The following L3MBTL4 variants were observed in gnomAD, a reference collection of about 807,000 sequenced individuals.
L3MBTL4 encodes the protein lethal(3)malignant brain tumor-like protein 4.
Under a neutral mutation model 84.5 loss-of-function variants are expected in L3MBTL4, and 70 were observed. That is an observed-to-expected ratio of 0.83 (90% CI 0.68 to 1.01). The LOEUF (loss-of-function observed/expected upper bound fraction) is 1.01, where lower values mean the gene tolerates loss of function less well. Ranked by LOEUF, L3MBTL4 falls within the 50% of genes least tolerant of loss-of-function variation. The probability of loss-of-function intolerance (pLI) is 0.00; values close to 1 mark genes in which losing one functional copy is unlikely to be tolerated. For missense variants in L3MBTL4, 715 were observed against 754.8 expected (o/e 0.95, Z 0.62); for synonymous variants, 274 against 259.8 (o/e 1.05, Z -0.52).
At chr18:6,051,517 C>T (rs907244192) in intron 16 of L3MBTL4, among the ~76,000 whole-genome samples, 101 of 150,830 alleles carry the variant, frequency 6.7e-4, no homozygotes, top group African/African-American at 2.4e-3. Context: ...CCAGCCTGGG[C>T]GGCGCAGCAA....
chr18:6,042,360 C>A (rs577361230), intron 16 of L3MBTL4, among the ~76,000 whole-genome samples: 14 of 151,998 alleles, frequency 9.2e-5, no homozygotes, highest in African/African-American at 3.4e-4. Flanking sequence ...CACACACATA[C>A]GTGCACACAC....
chr18:6,024,727 G>A (rs186570076), intron 16 of L3MBTL4, among the ~76,000 whole-genome samples: 10 of 152,168 alleles, frequency 6.6e-5, no homozygotes, highest in African/African-American at 2.4e-4. Flanking sequence ...AAAAGACAGG[G>A]ATAAATTCAG....
intron 16 of L3MBTL4, among the ~76,000 whole-genome samples, chr18:5,985,504 A>G (rs560034247): frequency 1.3e-5 from 2 of 152,304 alleles, no homozygotes; most frequent in East Asian, 3.9e-4. Flanking sequence ...AGGAGGCACA[A>G]AAAGGGAATG....
intron 1 of L3MBTL4, among the ~76,000 whole-genome samples, chr18:6,314,407 A>AAGGT (rs1403269333): frequency 6.6e-6 from 1 of 152,202 alleles, no homozygotes; most frequent in African/African-American, 2.4e-5. Context: ...AGGGAAAGTA[A>AAGGT]AGGTATATAC....
At chr18:6,144,736 GC>G (rs2042576050) in intron 13 of L3MBTL4, among the ~76,000 whole-genome samples, 1 of 152,184 alleles carries the variant, frequency 6.6e-6, no homozygotes, top group African/African-American at 2.4e-5. Flanking sequence ...GAAGGGAAAG[GC>G]ACCGTAAAGA....
Position 6,340,375 on chromosome 18 carries a change from C to A in L3MBTL4, c.-90-28319G>T, listed in dbSNP as rs374646387. ...CAATTTCACATTACCCACATCACTT[C>A]TCCCCCAAGGTGGCACAGCTCAGTG... is the stretch of plus-strand genomic sequence containing the variant. On this transcript the variant is annotated intron_variant, in intron 1 of 18. Transcript: ENST00000317931. Among the ~76,000 whole-genome samples, 11 of 152,332 alleles carry A rather than the reference C, an allele frequency of 7.2e-5. No homozygotes were observed. The East Asian group carries it at 9.6e-4, about 13-fold the overall frequency.
intron 1 of L3MBTL4, among the ~76,000 whole-genome samples, chr18:6,340,912 C>T (rs187864034): frequency 4.6e-5 from 7 of 152,294 alleles, no homozygotes; most frequent in Non-Finnish European, 5.9e-5. Flanking sequence ...AATCTGAACA[C>T]ATCAGGTCAC....
chr18:6,368,446 C>T (rs2054021441), intron 1 of L3MBTL4, among the ~76,000 whole-genome samples: 2 of 152,158 alleles, frequency 1.3e-5, no homozygotes, highest in Admixed American at 6.5e-5. Context: ...AAACAGTAGT[C>T]ACAGCAGGTA....
At chr18:5,982,147 G>A (rs991048951) in intron 16 of L3MBTL4, among the ~76,000 whole-genome samples, 4 of 152,120 alleles carry the variant, frequency 2.6e-5, no homozygotes, top group African/African-American at 4.8e-5. Flanking sequence ...TCTATGTTGC[G>A]TTTCAACCTC....
At chr18:6,181,100 G>GT (rs1266913558) in intron 12 of L3MBTL4, among the ~76,000 whole-genome samples, 1 of 152,024 alleles carries the variant, frequency 6.6e-6, no homozygotes, top group Non-Finnish European at 1.5e-5. Context: ...CTGCAGGGAG[G>GT]TAGGACTGGG....
intron 16 of L3MBTL4, among the ~76,000 whole-genome samples, chr18:6,062,026 A>C (rs1440550129): frequency 6.6e-6 from 1 of 152,046 alleles, no homozygotes; most frequent in Non-Finnish European, 1.5e-5. Context: ...ATCAATTAAG[A>C]CTATAAAAAG....
At chr18:6,019,021 T>C (rs1179189452) in intron 16 of L3MBTL4, among the ~76,000 whole-genome samples, 1 of 152,226 alleles carries the variant, frequency 6.6e-6, no homozygotes, top group Non-Finnish European at 1.5e-5. Context: ...GATAGGCTTA[T>C]AGTGCATTAG....
At chr18:6,034,537 C>T (rs1380899896) in intron 16 of L3MBTL4, among the ~76,000 whole-genome samples, 6 of 152,114 alleles carry the variant, frequency 3.9e-5, no homozygotes, top group Admixed American at 1.3e-4. Context: ...TTTCTTAATC[C>T]AGTCTATCAT....
intron 1 of L3MBTL4, among the ~76,000 whole-genome samples, chr18:6,362,828 T>A (rs2053765830): frequency 6.6e-6 from 1 of 152,170 alleles, no homozygotes. Flanking sequence ...CAAATGCAAG[T>A]TTTTATTAGA....
intron 17 of L3MBTL4, chr18:5,960,908 A>T (rs1306551271): frequency 6.6e-6 from 1 of 152,138 alleles, no homozygotes; most frequent in African/African-American, 2.4e-5. Flanking sequence ...GAGTGTTCCT[A>T]ATAGATACCT....
At chr18:6,202,233 C>T (rs1359839227) in intron 12 of L3MBTL4, among the ~76,000 whole-genome samples, 2 of 152,164 alleles carry the variant, frequency 1.3e-5, no homozygotes, top group Non-Finnish European at 2.9e-5. Context: ...GGTTCTAGGG[C>T]TACCCGATTT....
intron 10 of L3MBTL4, among the ~76,000 whole-genome samples, chr18:6,225,738 T>C (rs1258192610): frequency 8.5e-6 from 1 of 117,476 alleles, no homozygotes; most frequent in Admixed American, 9.2e-5. Context: ...CCAGCCTATC[T>C]AAAAAAAAAA....
At chr18:6,032,096 G>A in intron 16 of L3MBTL4, 1 of 208,338 alleles carries the variant, frequency 4.8e-6, no homozygotes, top group Non-Finnish European at 9.1e-6. Context: ...TCCTGCCTCA[G>A]CTTCCCCAGT....
At chr18:6,135,553 C>A (rs2060005108) in intron 14 of L3MBTL4, among the ~76,000 whole-genome samples, 2 of 152,202 alleles carry the variant, frequency 1.3e-5, no homozygotes, top group Admixed American at 1.3e-4. Flanking sequence ...CCTAAATCAT[C>A]TTTCTCAAGT....
Sources: allele counts gnomAD v4.1 joint callset (sites outside exome capture counted in the v4.1 genomes callset), GRCh38; gene constraint gnomAD v4.1.1; transcripts MANE v1.5; gene names NCBI Gene and HGNC (gene_info 2026-07-23, HGNC 2026-07-21).